Variants in FILIP1 observed in about 807,000 individuals in gnomAD.
FILIP1 encodes filamin A interacting protein 1, also known as filamin-A-interacting protein 1.
Under a neutral mutation model 102.1 loss-of-function variants are expected in FILIP1, and 61 were observed. The observed-to-expected ratio is 0.60, with a 90% CI of 0.49 to 0.74. FILIP1 has a LOEUF of 0.74. Ranked by LOEUF, FILIP1 falls within the 30% of genes least tolerant of loss-of-function variation. FILIP1 has a pLI of 0.00. For synonymous variants in FILIP1, 491 were observed against 526.9 expected, an observed-to-expected ratio of 0.93 and a Z score of 0.93; for missense variants, 1,314 against 1,441.2, an observed-to-expected ratio of 0.91 and a Z score of 1.43.
At chr6:75,365,091 A>G (rs1339991323) in intron 2 of FILIP1, among the ~76,000 whole-genome samples, 1 of 152,214 alleles carries the variant, frequency 6.6e-6, no homozygotes. Flanking sequence ...TCTCTTTCTC[A>G]TCTTTAAATC....
intron 1 of FILIP1, among the ~76,000 whole-genome samples, chr6:75,426,495 A>G (rs1026504606): frequency 6.6e-6 from 1 of 152,138 alleles, no homozygotes; most frequent in African/African-American, 2.4e-5. Flanking sequence ...CCCACTAAGT[A>G]TACAGAGGAG....
chr6:75,294,505 A>G (rs1343616191), exon 7 of FILIP1: 1 of 152,200 alleles, frequency 6.6e-6, no homozygotes, highest in African/African-American at 2.4e-5. Context: ...ACATAAACCT[A>G]AATTCAACAG....
intron 4 of FILIP1, among the ~76,000 whole-genome samples, chr6:75,340,911 C>T (rs778933623): frequency 5.1e-4 from 65 of 128,488 alleles, no homozygotes; most frequent in Non-Finnish European, 9.0e-4. Context: ...GCCATATTGG[C>T]GAGGCTGATC....
intron 4 of FILIP1, among the ~76,000 whole-genome samples, chr6:75,349,324 G>A (rs931385347): frequency 6.6e-6 from 1 of 152,102 alleles, no homozygotes; most frequent in Non-Finnish European, 1.5e-5. Context: ...TGCTTCTGGT[G>A]CCCGGAGAGT....
intron 4 of FILIP1, among the ~76,000 whole-genome samples, chr6:75,342,568 A>T (rs1774449258): frequency 6.6e-6 from 1 of 152,250 alleles, no homozygotes; most frequent in Non-Finnish European, 1.5e-5. Context: ...CAGTCAAGTC[A>T]GGATCTCCTG....
At chr6:75,387,519 C>T (rs189912444) in intron 2 of FILIP1, among the ~76,000 whole-genome samples, 38 of 152,068 alleles carry the variant, frequency 2.5e-4, no homozygotes, top group African/African-American at 8.7e-4. Flanking sequence ...AGTGTAAGAG[C>T]GTTCCTATTT....
At chr6:75,426,833 A>G (rs534163277) in intron 1 of FILIP1, among the ~76,000 whole-genome samples, 85 of 152,190 alleles carry the variant, frequency 5.6e-4, no homozygotes, top group African/African-American at 2.0e-3. Flanking sequence ...AGGGCCCTGC[A>G]CTCAGTTTAA....
At chr6:75,427,448 T>C (rs1421621936) in intron 1 of FILIP1, among the ~76,000 whole-genome samples, 1 of 152,134 alleles carries the variant, frequency 6.6e-6, no homozygotes, top group Non-Finnish European at 1.5e-5. Flanking sequence ...TTCTTCTTTT[T>C]CTAATTTTGA....
chr6:75,327,826 G>A (rs955249198), intron 4 of FILIP1, among the ~76,000 whole-genome samples: 1 of 151,858 alleles, frequency 6.6e-6, no homozygotes, highest in African/African-American at 2.4e-5. Context: ...ATGGATGTAG[G>A]TAATGCTCAT....
intron 2 of FILIP1, chr6:75,365,946 T>C (rs902987857): frequency 1.3e-5 from 2 of 152,202 alleles, no homozygotes; most frequent in South Asian, 2.1e-4. Flanking sequence ...GCACAGTATC[T>C]GTAAGATTTA....
chr6:75,365,814 A>G (rs1433853039), intron 2 of FILIP1, among the ~76,000 whole-genome samples: 1 of 152,210 alleles, frequency 6.6e-6, no homozygotes, highest in African/African-American at 2.4e-5. Flanking sequence ...AAAAAGAAAT[A>G]CTTCATCATT....
intron 1 of FILIP1, among the ~76,000 whole-genome samples, chr6:75,415,598 A>G (rs2149688939): frequency 6.6e-6 from 1 of 151,200 alleles, no homozygotes; most frequent in East Asian, 1.9e-4. Context: ...GGAAAAGGGA[A>G]AAGCAAAGGG....
At chr6:75,305,062 C>T (rs549647998), downstream of FILIP1, among the ~76,000 whole-genome samples, 39 of 152,076 alleles carry the variant, frequency 2.6e-4, no homozygotes, top group East Asian at 1.5e-3. Flanking sequence ...CAAGTGAAAA[C>T]GAGAAGTGGA....
intron 2 of FILIP1, among the ~76,000 whole-genome samples, chr6:75,395,832 CT>C (rs1776442243): frequency 6.6e-6 from 1 of 152,106 alleles, no homozygotes; most frequent in African/African-American, 2.4e-5. Flanking sequence ...CCCCTGAGTC[CT>C]TGATGAAATA....
At chr6:75,436,592 C>T (rs899419113) in intron 1 of FILIP1, among the ~76,000 whole-genome samples, 2 of 152,082 alleles carry the variant, frequency 1.3e-5, no homozygotes, top group African/African-American at 2.4e-5. Flanking sequence ...TGGAGCTTTA[C>T]AGAGTTGCTC....
chr6:75,409,611 G>C (rs1776986761), intron 2 of FILIP1, among the ~76,000 whole-genome samples: 1 of 152,092 alleles, frequency 6.6e-6, no homozygotes, highest in Non-Finnish European at 1.5e-5. Flanking sequence ...TAGGATTATG[G>C]GAGGGGACTG....
At chr6:75,354,288 T>A (rs1330494535) in intron 3 of FILIP1, among the ~76,000 whole-genome samples, 1 of 152,148 alleles carries the variant, frequency 6.6e-6, no homozygotes, top group Non-Finnish European at 1.5e-5. Context: ...TTTTAAAACT[T>A]TTAGCTGGGC....
intron 2 of FILIP1, among the ~76,000 whole-genome samples, chr6:75,389,459 C>G (rs1204189124): frequency 1.3e-5 from 2 of 152,124 alleles, no homozygotes; most frequent in East Asian, 3.8e-4. Flanking sequence ...ACCAGCTTTT[C>G]TTTGTACATC....
chr6:75,448,278 C>T (rs1264944018), intron 1 of FILIP1, among the ~76,000 whole-genome samples: 1 of 152,146 alleles, frequency 6.6e-6, no homozygotes, highest in Non-Finnish European at 1.5e-5. Flanking sequence ...CTTCTCAATA[C>T]ATCACTGGAA....
Sources: gnomAD v4.1 joint callset for allele counts (sites outside exome capture counted in the v4.1 genomes callset) on GRCh38, gnomAD v4.1.1 for gene constraint, MANE v1.5 for transcripts, NCBI Gene and HGNC (gene_info 2026-07-23, HGNC 2026-07-21) for gene names.